The following CBFA2T2 variants were observed in gnomAD, a reference collection of about 807,000 sequenced individuals.
The protein encoded by CBFA2T2 is CBFA2/RUNX1 partner transcriptional co-repressor 2.
Under a neutral mutation model 62.2 loss-of-function variants are expected in CBFA2T2, and 11 were observed. The ratio of observed to expected loss-of-function variants is 0.18; its 90% CI spans 0.11 to 0.29. The LOEUF (loss-of-function observed/expected upper bound fraction) is 0.29, where lower values mean the gene tolerates loss of function less well. Among genes scored for constraint, CBFA2T2 ranks in the 10% least tolerant of loss-of-function variants. CBFA2T2 has a pLI of 1.00. For missense variants in CBFA2T2, 592 were observed against 774.1 expected, an observed-to-expected ratio of 0.76 and a Z score of 2.79; for synonymous variants, 295 against 287.5, an observed-to-expected ratio of 1.03 and a Z score of -0.27.
intron 1 of CBFA2T2, among the ~76,000 whole-genome samples, chr20:33,603,035 G>A (rs376898769): frequency 1.3e-5 from 2 of 152,152 alleles, no homozygotes; most frequent in African/African-American, 2.4e-5. Context: ...ATTCAGTACG[G>A]TGCTCAATTT....
intron 3 of CBFA2T2, among the ~76,000 whole-genome samples, chr20:33,613,213 A>G (rs1601065754): frequency 6.6e-6 from 1 of 152,240 alleles, no homozygotes; most frequent in East Asian, 1.9e-4. Flanking sequence ...TCATTGCTAT[A>G]TAGTGTCATA....
At chr20:33,491,530 T>G (rs1279129306) in intron 1 of CBFA2T2, among the ~76,000 whole-genome samples, 1 of 152,030 alleles carries the variant, frequency 6.6e-6, no homozygotes, top group Non-Finnish European at 1.5e-5. Context: ...GCTTTACGCT[T>G]CTTTTTTTTT....
chr20:33,495,410 G>A (rs1426951429), intron 1 of CBFA2T2, among the ~76,000 whole-genome samples: 2 of 141,766 alleles, frequency 1.4e-5, no homozygotes, highest in East Asian at 2.1e-4. Flanking sequence ...AAAAAAGGCC[G>A]GGCACGATGG....
chr20:33,521,821 T>TGC (rs2011736715), intron 1 of CBFA2T2, among the ~76,000 whole-genome samples: 2 of 147,652 alleles, frequency 1.4e-5, no homozygotes, highest in Admixed American at 6.7e-5. Context: ...AAATTTGAGC[T>TGC]GCGTGTGTGT....
intron 1 of CBFA2T2, among the ~76,000 whole-genome samples, chr20:33,554,535 C>A (rs1172851400): frequency 6.6e-6 from 1 of 151,242 alleles, no homozygotes; most frequent in Non-Finnish European, 1.5e-5. Context: ...AGGGGTGAGC[C>A]ACTGCGCCCG....
At position 33,623,226 on chromosome 20, in the gene CBFA2T2, G is replaced by T; in HGVS notation, c.622G>T (p.Ala208Ser). The T allele has an allele frequency of 6.2e-7, 1 of 1,614,252 alleles. No homozygotes were observed. The highest frequency in any genetic ancestry group is 8.5e-7 in the Non-Finnish European group (1 of 1,180,054). ...ACACCTTCTGCTCAACACAAGCATT[G>T]CATCGCCTGCTGACTCGTCAGAGTT... ...HEHLLLNTSI[A>S]SPADSSELLM... The change falls in exon 5 of 11, where the codon GCA becomes TCA. Residue 208 changes from alanine to serine, a missense_variant. Physicochemically the swap from Ala to Ser is moderately conservative, Grantham distance 99 (BLOSUM62 1). Transcript: ENST00000342704.
intron 1 of CBFA2T2, among the ~76,000 whole-genome samples, chr20:33,583,296 A>G (rs1051083942): frequency 1.2e-4 from 18 of 152,262 alleles, no homozygotes; most frequent in African/African-American, 4.3e-4. Context: ...AGTAGTCATT[A>G]CTACAAAGTT....
chr20:33,494,273 A>ATATATATATATAT (rs1568783119), intron 1 of CBFA2T2, among the ~76,000 whole-genome samples: 4 of 21,358 alleles, frequency 1.9e-4, no homozygotes, highest in Non-Finnish European at 2.8e-4. Flanking sequence ...ATATATATAT[A>ATATATATATATAT]TTTTTTTTTT....
chr20:33,516,513 G>T (rs1004579308), intron 1 of CBFA2T2, among the ~76,000 whole-genome samples: 1 of 151,894 alleles, frequency 6.6e-6, no homozygotes, highest in Non-Finnish European at 1.5e-5. Flanking sequence ...AGTGGCTCAC[G>T]CCTATAATCC....
At chr20:33,598,489 A>G (rs1437395286) in intron 1 of CBFA2T2, among the ~76,000 whole-genome samples, 1 of 152,196 alleles carries the variant, frequency 6.6e-6, no homozygotes, top group Non-Finnish European at 1.5e-5. Flanking sequence ...CTGGCTCATC[A>G]GCGGTCAGAG....
At chr20:33,572,624 A>G (rs908091430) in intron 1 of CBFA2T2, among the ~76,000 whole-genome samples, 2 of 152,230 alleles carry the variant, frequency 1.3e-5, no homozygotes, top group South Asian at 2.1e-4. Context: ...CAAAGGCTCA[A>G]TGATGGGAAT....
chr20:33,528,682 A>G (rs1382686639), intron 1 of CBFA2T2, among the ~76,000 whole-genome samples: 1 of 87,414 alleles, frequency 1.1e-5, no homozygotes, highest in Non-Finnish European at 2.3e-5. Context: ...CCTGCCTTAA[A>G]TGTCCACTCG....
rs761961794 is a variant in CBFA2T2 at position 33,570,615 on chromosome 20, A to T, written c.35-36341A>T. ...AATGTTGATCAGTATTGCTATAGAT[A>T]TTGTCGTCTTGAGGTGAGTACATGT... On this transcript the variant is annotated intron_variant, in intron 1 of 10. Transcript: ENST00000342704. 2.0e-5 allele frequency among the ~76,000 whole-genome samples: 3 copies of T among 152,130 alleles called. No homozygotes were observed. The East Asian group carries it at 5.8e-4, about 29-fold the overall frequency.
chr20:33,588,653 G>T (rs2014481776), intron 1 of CBFA2T2, among the ~76,000 whole-genome samples: 1 of 152,124 alleles, frequency 6.6e-6, no homozygotes, highest in South Asian at 2.1e-4. Context: ...TCAACATTAA[G>T]AAGCTGAAAA....
chr20:33,625,506 C>G (rs2016189122), intron 6 of CBFA2T2, among the ~76,000 whole-genome samples: 1 of 152,098 alleles, frequency 6.6e-6, no homozygotes. Context: ...AGGGGTATCG[C>G]CTATTCTCAG....
At chr20:33,638,629 T>C (rs1455941692) in intron 9 of CBFA2T2, 1 of 152,230 alleles carries the variant, frequency 6.6e-6, no homozygotes, top group African/African-American at 2.4e-5. Context: ...AGCCTAGAAC[T>C]CTGTGTTTGA....
chr20:33,533,783 T>G (rs1381447757), intron 1 of CBFA2T2, among the ~76,000 whole-genome samples: 1 of 152,116 alleles, frequency 6.6e-6, no homozygotes, highest in Non-Finnish European at 1.5e-5. Flanking sequence ...AAGACCAGCT[T>G]GGCCAACATG....
At position 33,646,997 on chromosome 20, in the gene CBFA2T2, G is replaced by A. The variant is rs1329561256; in HGVS notation, c.*2351G>A. 4 of 152,170 alleles carry A rather than the reference G, an allele frequency of 2.6e-5. No individual in the cohort carries two copies. The highest frequency in any genetic ancestry group is 4.4e-5 in the Non-Finnish European group (3 of 68,048). 9.4% of individuals were successfully genotyped at this position (152,170 alleles called of 1,614,324 possible). A position where few individuals can be genotyped will look rare whatever the true frequency, so the allele number is the denominator to read the frequency against. On this transcript the variant is annotated 3_prime_UTR_variant, in exon 11 of 11. Transcript: ENST00000342704. ...AGATTTCCATTGCCTAAAGTAAGGT[G>A]TGACCAGTGAAACAACAGCAGAGAA... is the stretch of plus-strand genomic sequence containing the variant.
Position 33,644,744 on chromosome 20 carries a change from T to C in CBFA2T2, c.*98T>C. On this transcript the variant is annotated 3_prime_UTR_variant, in exon 11 of 11. Transcript: ENST00000342704. ...ACCCGTGCATGTAGCTGCCGGGTCA[T>C]CAGCAAGAAATGAATTGGAGGCAGG... 2 of 1,310,266 alleles carry C rather than the reference T, an allele frequency of 1.5e-6. No individual in the cohort carries two copies. The highest frequency in any genetic ancestry group is 2.8e-5 in the South Asian group (2 of 70,534). 81.2% of individuals were successfully genotyped at this position (1,310,266 alleles called of 1,614,324 possible). A position where few individuals can be genotyped will look rare whatever the true frequency, so the allele number is the denominator to read the frequency against.
Sources: allele counts gnomAD v4.1 joint callset (sites outside exome capture counted in the v4.1 genomes callset), GRCh38; gene constraint gnomAD v4.1.1; transcripts MANE v1.5; gene names NCBI Gene and HGNC (gene_info 2026-07-23, HGNC 2026-07-21).